The following OTUD7A variants were observed in gnomAD, a reference collection of about 807,000 sequenced individuals.
OTUD7A encodes the protein OTU deubiquitinase 7A, also known as OTU domain-containing protein 7A.
Under a neutral mutation model 65.7 loss-of-function variants are expected in OTUD7A, and 12 were observed. That is an observed-to-expected ratio of 0.18 (90% CI 0.12 to 0.30). OTUD7A has a LOEUF of 0.30. OTUD7A is among the 10% of genes least tolerant of loss of function. OTUD7A has a pLI of 1.00. For synonymous variants in OTUD7A, 641 were observed against 586.3 expected, an observed-to-expected ratio of 1.09 and a Z score of -1.35; for missense variants, 1,148 against 1,304.8, an observed-to-expected ratio of 0.88 and a Z score of 1.85.
chr15:31,782,903 A>G (rs1895578054), intron 1 of OTUD7A, among the ~76,000 whole-genome samples: 1 of 152,178 alleles, frequency 6.6e-6, no homozygotes, highest in African/African-American at 2.4e-5. Flanking sequence ...ACTGAACTGG[A>G]GTTCAGCAGA....
chr15:31,850,238 G>A (rs1437915306), intron 1 of OTUD7A, among the ~76,000 whole-genome samples: 3 of 152,158 alleles, frequency 2.0e-5, no homozygotes, highest in African/African-American at 4.8e-5. Flanking sequence ...CCATAAAAAA[G>A]GATGAGTTCA....
At chr15:31,737,415 C>T (rs555004809) in intron 1 of OTUD7A, among the ~76,000 whole-genome samples, 7 of 152,200 alleles carry the variant, frequency 4.6e-5, no homozygotes, top group East Asian at 1.9e-4. Context: ...CATGAAAAAA[C>T]GACGCAAACT....
intron 1 of OTUD7A, among the ~76,000 whole-genome samples, chr15:31,863,866 A>T (rs934339359): frequency 2.0e-5 from 3 of 152,170 alleles, no homozygotes; most frequent in African/African-American, 7.2e-5. Context: ...TCAGGCTGCA[A>T]ATTTTCTGAA....
At chr15:31,726,366 CACTT>C (rs1378743387) in intron 1 of OTUD7A, among the ~76,000 whole-genome samples, 1 of 151,586 alleles carries the variant, frequency 6.6e-6, no homozygotes, top group Non-Finnish European at 1.5e-5. Flanking sequence ...CACACACACA[CACTT>C]TGTGAAATAG....
chr15:31,840,303 T>C (rs1471440544), intron 1 of OTUD7A, among the ~76,000 whole-genome samples: 2 of 152,122 alleles, frequency 1.3e-5, no homozygotes, highest in Admixed American at 1.3e-4. Context: ...CTGGGTATGG[T>C]GGCGCACGCC....
intron 1 of OTUD7A, among the ~76,000 whole-genome samples, chr15:31,717,879 T>C (rs1893633170): frequency 2.6e-5 from 4 of 152,234 alleles, no homozygotes; most frequent in African/African-American, 9.6e-5. Context: ...CGTTCCTATT[T>C]CTCCAAATCC....
At chr15:31,525,460 C>T (rs1305899567) in intron 8 of OTUD7A, among the ~76,000 whole-genome samples, 1 of 152,210 alleles carries the variant, frequency 6.6e-6, no homozygotes, top group Non-Finnish European at 1.5e-5. Context: ...AGCCTCTTTT[C>T]CAGCCGGGGC....
At chr15:31,528,541 C>A (rs538868417) in intron 6 of OTUD7A, among the ~76,000 whole-genome samples, 2 of 152,376 alleles carry the variant, frequency 1.3e-5, no homozygotes, top group Admixed American at 6.5e-5. Flanking sequence ...CCACAGGCTT[C>A]TAGCCAGCAA....
intron 1 of OTUD7A, among the ~76,000 whole-genome samples, chr15:31,685,115 T>C (rs397832880): frequency 7.9e-5 from 12 of 152,262 alleles, no homozygotes; most frequent in African/African-American, 1.7e-4. Flanking sequence ...ATAAGTCTGA[T>C]TGATCCCATT....
chr15:31,667,986 C>T (rs1475623270), intron 1 of OTUD7A, among the ~76,000 whole-genome samples: 1 of 152,216 alleles, frequency 6.6e-6, no homozygotes, highest in African/African-American at 2.4e-5. Context: ...TCCCTTCTAG[C>T]TTGTAGGGTT....
At position 31,817,634 on chromosome 15, in the gene OTUD7A, A is replaced by G. The variant is rs1048268481; in HGVS notation, c.-100+52873T>C. 9.9e-5 allele frequency among the ~76,000 whole-genome samples: 15 copies of G among 152,104 alleles called. 1 individual carries two copies. Among genetic ancestry groups the G allele is most frequent in the Admixed American group, 9.8e-4 (15 of 15,280 alleles). ...AAGCATGGATTGACTCTACATGGGAACCTAAGCTTCCTGGGTTTTTGGTAA... is the reference window on the plus strand; with the variant it reads ...AAGCATGGATTGACTCTACATGGGAGCCTAAGCTTCCTGGGTTTTTGGTAA... On this transcript the variant is annotated intron_variant, in intron 1 of 12. Coordinates refer to ENST00000307050, the MANE Select transcript of OTUD7A (RefSeq NM_001382637.1).
At chr15:31,654,795 G>T (rs564417586) in intron 3 of OTUD7A, among the ~76,000 whole-genome samples, 24 of 152,246 alleles carry the variant, frequency 1.6e-4, no homozygotes, top group Admixed American at 1.4e-3. Flanking sequence ...TGGATAGTAG[G>T]TGCTTTTTCC....
chr15:31,664,663 T>A (rs930438832), intron 1 of OTUD7A, among the ~76,000 whole-genome samples: 3 of 152,230 alleles, frequency 2.0e-5, no homozygotes, highest in African/African-American at 7.2e-5. Flanking sequence ...TTAGTTTAAT[T>A]AAGTCCCAGC....
At chr15:31,495,319 A>G (rs1027179915) in intron 10 of OTUD7A, among the ~76,000 whole-genome samples, 5 of 152,210 alleles carry the variant, frequency 3.3e-5, no homozygotes, top group African/African-American at 9.6e-5. Flanking sequence ...CGTGCTTTTA[A>G]TCAGCGTTAC....
intron 5 of OTUD7A, among the ~76,000 whole-genome samples, chr15:31,537,508 CACT>C (rs1167391114): frequency 2.0e-5 from 3 of 152,216 alleles, no homozygotes; most frequent in African/African-American, 4.8e-5. Context: ...CTTTAACTGA[CACT>C]ACCACTGGAT....
At chr15:31,665,296 G>A (rs1892288275) in intron 1 of OTUD7A, among the ~76,000 whole-genome samples, 1 of 152,124 alleles carries the variant, frequency 6.6e-6, no homozygotes, top group Admixed American at 6.5e-5. Flanking sequence ...CATGAGCATG[G>A]GATGTGTTCC....
At chr15:31,740,338 C>T (rs1031594714) in intron 1 of OTUD7A, among the ~76,000 whole-genome samples, 3 of 151,996 alleles carry the variant, frequency 2.0e-5, no homozygotes, top group South Asian at 4.1e-4. Context: ...TGTGTGAAAC[C>T]AGGAGTCGCT....
intron 4 of OTUD7A, among the ~76,000 whole-genome samples, chr15:31,569,653 CA>C (rs1395021561): frequency 6.6e-6 from 1 of 152,154 alleles, no homozygotes; most frequent in Non-Finnish European, 1.5e-5. Flanking sequence ...GCGCATGGGA[CA>C]AGAAATGTGA....
chr15:31,662,197 T>G (rs923477265), intron 1 of OTUD7A, among the ~76,000 whole-genome samples: 2 of 152,198 alleles, frequency 1.3e-5, no homozygotes, highest in African/African-American at 4.8e-5. Flanking sequence ...GCAGCATAAT[T>G]CTTTTATTCA....
Sources: allele counts gnomAD v4.1 joint callset (sites outside exome capture counted in the v4.1 genomes callset), GRCh38; gene constraint gnomAD v4.1.1; transcripts MANE v1.5; gene names NCBI Gene and HGNC (gene_info 2026-07-23, HGNC 2026-07-21).